Variants in DGLUCY observed in about 807,000 individuals in gnomAD.
DGLUCY encodes the protein D-glutamate cyclase, also known as D-glutamate cyclase, mitochondrial.
In DGLUCY, 58 loss-of-function variants were observed where a neutral mutation model predicts 58.5. The observed-to-expected ratio is 0.99, with a 90% CI of 0.80 to 1.23. The LOEUF (loss-of-function observed/expected upper bound fraction) is 1.23. Among genes scored for constraint, DGLUCY ranks in the 50% most tolerant of loss-of-function variants. The pLI is 0.00. For missense variants in DGLUCY, 779 were observed against 784.7 expected, an observed-to-expected ratio of 0.99 and a Z score of 0.09; for synonymous variants, 325 against 314.1, an observed-to-expected ratio of 1.03 and a Z score of -0.37.
Position 91,176,162 on chromosome 14 carries a change from C to A in DGLUCY, c.730+106C>A, listed in dbSNP as rs993980523. On this transcript the variant is annotated intron_variant, in intron 7 of 13. Coordinates refer to ENST00000256324, the MANE Select transcript of DGLUCY (RefSeq NM_001102368.3). Reference sequence around the variant, plus strand: ...TAGTACAATGATTTAAAAATAAAGCCATGAAACAAAACACAAAACAGAGGC... The same window carrying A: ...TAGTACAATGATTTAAAAATAAAGCAATGAAACAAAACACAAAACAGAGGC... 26 of 1,389,020 alleles carry A rather than the reference C, an allele frequency of 1.9e-5. No homozygotes were observed. The East Asian group carries it at 6.7e-4, about 36-fold the overall frequency. The allele number at this position is 1,389,020 out of a possible 1,614,324, so 86.0% of individuals were successfully genotyped here. A position where few individuals can be genotyped will look rare whatever the true frequency, so the allele number is the denominator to read the frequency against.
chr14:91,181,421 C>A, intron 8 of DGLUCY, 32 bp downstream of exon 8: 1 of 1,590,630 alleles, frequency 6.3e-7, no homozygotes, highest in African/African-American at 1.3e-5. Context: ...CGGCATAGAC[C>A]CAGGTAAGAA....
At chr14:91,137,597 A>G (rs1228183219) in intron 1 of DGLUCY, among the ~76,000 whole-genome samples, 2 of 147,094 alleles carry the variant, frequency 1.4e-5, no homozygotes, top group African/African-American at 2.5e-5. Flanking sequence ...GGGTTTCACC[A>G]TGTTGGCCAG....
At chr14:91,126,101 T>C (rs1489916751) in intron 1 of DGLUCY, among the ~76,000 whole-genome samples, 1 of 152,168 alleles carries the variant, frequency 6.6e-6, no homozygotes, top group Non-Finnish European at 1.5e-5. Context: ...GGGGACACTT[T>C]TCCAATTTGC....
chr14:91,204,979 T>G (rs759361797), intron 12 of DGLUCY, 154 bp downstream of exon 12: 29 of 972,822 alleles, frequency 3.0e-5, no homozygotes, highest in Non-Finnish European at 4.2e-5. Flanking sequence ...TGACCTTTCA[T>G]TCAGTCATTC....
At chr14:91,105,995 A>G (rs142335690), upstream of DGLUCY, among the ~76,000 whole-genome samples, 5 of 152,326 alleles carry the variant, frequency 3.3e-5, no homozygotes, top group East Asian at 7.7e-4. Flanking sequence ...TAGAAAAGCT[A>G]CAGTAAAAAT....
intron 2 of DGLUCY, among the ~76,000 whole-genome samples, chr14:91,159,631 A>G (rs1566973397): frequency 6.6e-6 from 1 of 152,362 alleles, no homozygotes; most frequent in South Asian, 2.1e-4. Flanking sequence ...CAAAGATTGT[A>G]TAAGGCACTG....
chr14:91,152,219 C>T (rs960007248), intron 1 of DGLUCY, among the ~76,000 whole-genome samples: 1 of 152,064 alleles, frequency 6.6e-6, no homozygotes, highest in African/African-American at 2.4e-5. Context: ...GTGAGACCCC[C>T]ATCTTTACAA....
At chr14:91,122,134 A>C (rs1399291096) in intron 1 of DGLUCY, among the ~76,000 whole-genome samples, 1 of 151,706 alleles carries the variant, frequency 6.6e-6, no homozygotes, top group Non-Finnish European at 1.5e-5. Flanking sequence ...TAACCTATTT[A>C]GAGTAATTTT....
rs560488095 is a variant in DGLUCY, at chr14:91,124,567, C to T, written c.-82+10284C>T. ...AGTGCTGGTGGAAGGCCGTGTTGCC[C>T]GGGCCAAGGAAAGTGTCCTGTTACA... On this transcript the variant is annotated intron_variant, in intron 1 of 13. Coordinates refer to ENST00000256324, the MANE Select transcript of DGLUCY (RefSeq NM_001102368.3). Among the ~76,000 whole-genome samples, 17 of 152,292 alleles carry T rather than the reference C, an allele frequency of 1.1e-4. No homozygotes were observed. The East Asian group carries it at 2.9e-3, about 26-fold the overall frequency.
chr14:91,112,989 C>A (rs1235066186), upstream of DGLUCY, among the ~76,000 whole-genome samples: 4 of 85,290 alleles, frequency 4.7e-5, no homozygotes, highest in East Asian at 4.0e-4. Context: ...CAGAGTGAGA[C>A]TACATCTAAA....
intron 8 of DGLUCY, among the ~76,000 whole-genome samples, chr14:91,184,259 C>G (rs1008055677): frequency 6.6e-6 from 1 of 151,908 alleles, no homozygotes; most frequent in Admixed American, 6.6e-5. Flanking sequence ...AGCACTGTCA[C>G]GAATCTGACA....
chr14:91,074,093 C>CAAAA (rs1183223393), intron 1 of DGLUCY, among the ~76,000 whole-genome samples: 12 of 99,724 alleles, frequency 1.2e-4, no homozygotes, highest in Non-Finnish European at 2.0e-4. Context: ...TCATCTCTAC[C>CAAAA]AAAAAAAAAA....
chr14:91,141,075 T>A (rs546318577), intron 1 of DGLUCY, among the ~76,000 whole-genome samples: 2 of 152,112 alleles, frequency 1.3e-5, no homozygotes, highest in East Asian at 3.9e-4. Context: ...TTCTTGAGTG[T>A]AAGTGTTATA....
At chr14:91,096,427 C>T (rs546601307) in intron 1 of DGLUCY, among the ~76,000 whole-genome samples, 9 of 118,038 alleles carry the variant, frequency 7.6e-5, no homozygotes, top group South Asian at 5.4e-4. Context: ...ATCTCAGGGC[C>T]GGGGGTGGGA....
At chr14:91,102,722 C>G (rs2044508842) in intron 1 of DGLUCY, among the ~76,000 whole-genome samples, 1 of 139,048 alleles carries the variant, frequency 7.2e-6, no homozygotes, top group Admixed American at 7.2e-5. Flanking sequence ...GAGGATGCTG[C>G]TGGGACCCCT....
chr14:91,117,738 C>T (rs761629484), intron 1 of DGLUCY, among the ~76,000 whole-genome samples: 3 of 151,628 alleles, frequency 2.0e-5, no homozygotes, highest in Non-Finnish European at 4.4e-5. Flanking sequence ...ACATGAGGAC[C>T]CTGGAGGTCC....
chr14:91,223,198 G>A (rs896765893), intron 13 of DGLUCY, among the ~76,000 whole-genome samples: 1 of 152,182 alleles, frequency 6.6e-6, no homozygotes, highest in Admixed American at 6.5e-5. Flanking sequence ...GTGACATCCT[G>A]TACTATGACT....
upstream of DGLUCY, among the ~76,000 whole-genome samples, chr14:91,104,726 C>T (rs1413629378): frequency 6.6e-6 from 1 of 152,208 alleles, no homozygotes; most frequent in Non-Finnish European, 1.5e-5. Context: ...TCGGATTTCT[C>T]TTTCCTTTGT....
chr14:91,111,248 G>GTGTGTGTGTGTGTA (rs1555391921), upstream of DGLUCY, among the ~76,000 whole-genome samples: 2 of 81,156 alleles, frequency 2.5e-5, no homozygotes, highest in South Asian at 7.5e-4. Flanking sequence ...GTGTGTGTGT[G>GTGTGTGTGTGTGTA]TATATATCTA....
Sources: gnomAD v4.1 joint callset for allele counts (sites outside exome capture counted in the v4.1 genomes callset) on GRCh38, gnomAD v4.1.1 for gene constraint, MANE v1.5 for transcripts, NCBI Gene and HGNC (gene_info 2026-07-23, HGNC 2026-07-21) for gene names.